The following MON2 variants were observed in gnomAD, a reference collection of about 807,000 sequenced individuals.
The protein encoded by MON2 is MON2 regulator of endosome-to-Golgi trafficking, also known as protein MON2 homolog.
MON2 carries 84 observed loss-of-function variants against 208.6 expected under a neutral mutation model. The observed-to-expected ratio is 0.40, with a 90% confidence interval of 0.34 to 0.48. The LOEUF is 0.48. Among genes scored for constraint, MON2 ranks in the 20% least tolerant of loss-of-function variants. The probability of loss-of-function intolerance (pLI) is 0.59; values close to 1 mark genes in which losing one functional copy is unlikely to be tolerated. For synonymous variants in MON2, 660 were observed against 694.0 expected (o/e 0.95, Z 0.77); for missense variants, 1,611 against 2,015.4 (o/e 0.80, Z 3.84).
intron 8 of MON2, among the ~76,000 whole-genome samples, chr12:62,519,649 A>G (rs1028755426): frequency 7.2e-5 from 11 of 152,212 alleles, no homozygotes; most frequent in Admixed American, 2.0e-4. Context: ...CTGGATTCTC[A>G]TATCTTTTGT....
chr12:62,526,006 T>C lies in MON2; in HGVS notation c.1304T>C (p.Ile435Thr). 6.2e-7 allele frequency: 1 copy of C among 1,613,818 alleles called. No homozygotes were observed. Among genetic ancestry groups the C allele is most frequent in the Non-Finnish European group, 8.5e-7 (1 of 1,179,766 alleles). ...SAPANSGMVG[I>T]GGGVTLLPAF... ...CCAGCTAACTCAGGAATGGTGGGGA[T>C]TGGTGGAGGTGTTACTTTGCTACCA... The change falls in exon 11 of 35, where the codon ATT (isoleucine) becomes ACT (threonine). Residue 435 changes from isoleucine (I) to threonine (T), a missense_variant. Coordinates refer to ENST00000393630, the MANE Select transcript of MON2 (RefSeq NM_015026.3).
intron 30 of MON2, among the ~76,000 whole-genome samples, chr12:62,577,214 G>C (rs1402981148): frequency 6.6e-6 from 1 of 151,998 alleles, no homozygotes; most frequent in Non-Finnish European, 1.5e-5. Flanking sequence ...CCTCTGATTG[G>C]TTCAGGTTTG....
chr12:62,528,050 A>G (rs2136199188), intron 11 of MON2, among the ~76,000 whole-genome samples: 1 of 152,232 alleles, frequency 6.6e-6, no homozygotes, highest in African/African-American at 2.4e-5. Context: ...CAAGATTAGG[A>G]CTGAATCTCT....
chr12:62,468,659 A>G (rs1391599772), intron 1 of MON2, among the ~76,000 whole-genome samples: 1 of 152,208 alleles, frequency 6.6e-6, no homozygotes, highest in African/African-American at 2.4e-5. Context: ...TTTATTTCAC[A>G]TAGTCAATAG....
intron 22 of MON2, among the ~76,000 whole-genome samples, chr12:62,549,406 G>T (rs910618850): frequency 6.7e-6 from 1 of 149,468 alleles, no homozygotes; most frequent in African/African-American, 2.5e-5. Context: ...GATCACTTGA[G>T]CCCAGGAAAT....
intron 27 of MON2, 69 bp from the exon 28 acceptor site, chr12:62,565,945 G>T (rs548649491): frequency 1.5e-6 from 2 of 1,373,466 alleles, no homozygotes; most frequent in Non-Finnish European, 2.0e-6. Flanking sequence ...TATATCGTCC[G>T]AAAGTAGTTT....
chr12:62,470,773 C>A, intron 1 of MON2: 1 of 1,079,474 alleles, frequency 9.3e-7, no homozygotes, highest in Non-Finnish European at 1.1e-6. Context: ...GGAAATAGCA[C>A]ACGTTGTTAG....
chr12:62,552,790 A>T (rs1480514825), intron 23 of MON2, 91 bp from the exon 24 acceptor site: 2 of 931,594 alleles, frequency 2.1e-6, no homozygotes, highest in African/African-American at 1.7e-5. Context: ...TTAAAGTTTT[A>T]CTCTGAAAGG....
chr12:62,482,263 G>C (rs2069490186), intron 1 of MON2: 1 of 152,198 alleles, frequency 6.6e-6, no homozygotes, highest in African/African-American at 2.4e-5. Flanking sequence ...CAAAATTTAT[G>C]AAGTTAGGAA....
intron 7 of MON2, among the ~76,000 whole-genome samples, chr12:62,505,340 A>G (rs2071044188): frequency 6.6e-6 from 1 of 152,206 alleles, no homozygotes; most frequent in South Asian, 2.1e-4. Flanking sequence ...TTCCTGGCAT[A>G]TAGTTGCTAA....
At chr12:62,543,819 G>C (rs1411409595) in intron 20 of MON2, among the ~76,000 whole-genome samples, 1 of 152,084 alleles carries the variant, frequency 6.6e-6, no homozygotes, top group Non-Finnish European at 1.5e-5. Flanking sequence ...TATTAGCCAG[G>C]CTGGTCTTGG....
intron 8 of MON2, among the ~76,000 whole-genome samples, chr12:62,523,132 TA>T (rs2072148344): frequency 6.6e-6 from 1 of 152,198 alleles, no homozygotes; most frequent in Admixed American, 6.5e-5. Context: ...GGCTTACTAA[TA>T]TTCAAACCCT....
At chr12:62,549,456 CAAAA>C (rs5798647) in intron 22 of MON2, among the ~76,000 whole-genome samples, 1 of 98,516 alleles carries the variant, frequency 1.0e-5, no homozygotes. Context: ...CCTGTCTCCA[CAAAA>C]AAAAAAAAAA....
In MON2 at chr12:62,599,290, A is replaced by G. The variant is rs557394522; in HGVS notation, c.*6541A>G. On this transcript the variant is annotated 3_prime_UTR_variant, in exon 35 of 35. Transcript: ENST00000393630. ...AGGTCAAGTAAAAATCCTGATGTAG[A>G]TTAGATTATCTTAATCTTATGAGCA... The G allele has an allele frequency of 2.5e-4, 38 of 152,338 alleles. No homozygotes were observed. The South Asian group carries it at 5.4e-3, about 22-fold the overall frequency. The allele number at this position is 152,338 out of a possible 1,614,324, so 9.4% of individuals were successfully genotyped here.
intron 7 of MON2, among the ~76,000 whole-genome samples, chr12:62,503,870 T>C (rs1198762770): frequency 6.6e-6 from 1 of 152,222 alleles, no homozygotes; most frequent in East Asian, 1.9e-4. Flanking sequence ...CCCAACCACG[T>C]TGTGTAAAAT....
At position 62,500,846 on chromosome 12, in the gene MON2, A is replaced by G. The variant is rs1555161416; in HGVS notation, c.629A>G (p.Lys210Arg). The change falls in exon 6 of 35, where the codon AAA (lysine) becomes AGA (arginine). Residue 210 changes from lysine (K) to arginine (R), a missense_variant. Transcript: ENST00000393630. The stretch of plus-strand genomic sequence containing the variant: ...AACAGAAGATCTGTCAGTACCCTCA[A>G]ACCTTGTGCTAAAGATGCATATATG... ...NSNRRSVSTL[K>R]PCAKDAYMLF... 2 of 1,590,660 alleles carry G rather than the reference A, an allele frequency of 1.3e-6. No homozygotes were observed. Among genetic ancestry groups the G allele is most frequent in the Non-Finnish European group, 8.6e-7 (1 of 1,168,992 alleles).
chr12:62,537,450 A>T, intron 15 of MON2, 152 bp from the exon 16 acceptor site: 1 of 684,916 alleles, frequency 1.5e-6, no homozygotes, highest in Non-Finnish European at 2.4e-6. Context: ...TACAACTTTT[A>T]ATCAAATGAA....
chr12:62,485,187 A>G (rs2069694099), intron 2 of MON2, among the ~76,000 whole-genome samples: 1 of 152,172 alleles, frequency 6.6e-6, no homozygotes, highest in Admixed American at 6.5e-5. Flanking sequence ...CAAGTATTAC[A>G]TATGTAACCA....
At chr12:62,467,596 A>G (rs533543549) in intron 1 of MON2, among the ~76,000 whole-genome samples, 1 of 152,316 alleles carries the variant, frequency 6.6e-6, no homozygotes, top group Admixed American at 6.5e-5. Flanking sequence ...GCACTAGCCT[A>G]TTCTGGCCTT....
Sources: gnomAD v4.1 joint callset for allele counts (sites outside exome capture counted in the v4.1 genomes callset) on GRCh38, gnomAD v4.1.1 for gene constraint, MANE v1.5 for transcripts, NCBI Gene and HGNC (gene_info 2026-07-23, HGNC 2026-07-21) for gene names.